Variants in NAALADL2 observed in about 807,000 individuals in gnomAD.
NAALADL2 encodes the protein inactive N-acetylated-alpha-linked acidic dipeptidase-like protein 2.
In NAALADL2, 76 loss-of-function variants were observed where a neutral mutation model predicts 87.2. The ratio of observed to expected loss-of-function variants is 0.87; its 90% confidence interval spans 0.72 to 1.05. The LOEUF (loss-of-function observed/expected upper bound fraction) is 1.05. Ranked by LOEUF, NAALADL2 falls within the 50% of genes least tolerant of loss-of-function variation. NAALADL2 has a pLI of 0.00. For synonymous variants in NAALADL2, 354 were observed against 331.0 expected, an observed-to-expected ratio of 1.07 and a Z score of -0.75; for missense variants, 1,089 against 945.8, an observed-to-expected ratio of 1.15 and a Z score of -1.99.
At chr3:174,755,526 T>G (rs1711928593) in intron 3 of NAALADL2, among the ~76,000 whole-genome samples, 1 of 152,186 alleles carries the variant, frequency 6.6e-6, no homozygotes, top group Admixed American at 6.5e-5. Flanking sequence ...ATAAAAAATT[T>G]CGAGCCACCT....
intron 3 of NAALADL2, among the ~76,000 whole-genome samples, chr3:174,847,483 T>A (rs1724759976): frequency 6.6e-6 from 1 of 152,216 alleles, no homozygotes; most frequent in East Asian, 1.9e-4. Context: ...AAAAATAGGC[T>A]AAACTCAGAA....
intron 2 of NAALADL2, among the ~76,000 whole-genome samples, chr3:174,644,273 C>A (rs1723554198): frequency 6.6e-6 from 1 of 152,156 alleles, no homozygotes; most frequent in African/African-American, 2.4e-5. Context: ...TATAAACAGT[C>A]AATTAATACC....
intron 1 of NAALADL2, among the ~76,000 whole-genome samples, chr3:174,964,218 C>T (rs993647672): frequency 4.6e-5 from 7 of 152,024 alleles, no homozygotes; most frequent in Non-Finnish European, 5.9e-5. Flanking sequence ...CTTTACCTAG[C>T]GCTGGTATGG....
At chr3:174,718,868 C>T (rs1013377319) in intron 2 of NAALADL2, among the ~76,000 whole-genome samples, 1 of 152,130 alleles carries the variant, frequency 6.6e-6, no homozygotes, top group East Asian at 1.9e-4. Context: ...GATTATAATA[C>T]TTGGATCCAG....
intron 10 of NAALADL2, among the ~76,000 whole-genome samples, chr3:175,624,703 C>A (rs1327079259): frequency 6.6e-6 from 1 of 151,926 alleles, no homozygotes; most frequent in Non-Finnish European, 1.5e-5. Context: ...CAAAAGATAT[C>A]AGAGATTAGC....
intron 2 of NAALADL2, among the ~76,000 whole-genome samples, chr3:175,167,289 C>T (rs1431507624): frequency 6.6e-6 from 1 of 152,064 alleles, no homozygotes; most frequent in Non-Finnish European, 1.5e-5. Flanking sequence ...TAAACTCCTG[C>T]CATGCTACAG....
chr3:175,084,574 A>G (rs552906613), intron 1 of NAALADL2, among the ~76,000 whole-genome samples: 28 of 152,316 alleles, frequency 1.8e-4, no homozygotes, highest in African/African-American at 6.7e-4. Context: ...CTCACTATCA[A>G]TCTGCTTAAG....
intron 1 of NAALADL2, among the ~76,000 whole-genome samples, chr3:174,524,809 G>A (rs1000826168): frequency 1.3e-5 from 2 of 151,972 alleles, no homozygotes; most frequent in Admixed American, 6.6e-5. Flanking sequence ...CAAAGTCCTG[G>A]GATTACAAGT....
At chr3:175,152,943 T>C (rs973385460) in intron 2 of NAALADL2, among the ~76,000 whole-genome samples, 7 of 151,960 alleles carry the variant, frequency 4.6e-5, no homozygotes, top group African/African-American at 1.2e-4. Flanking sequence ...TATCTAAATA[T>C]GTTCCCAATA....
chr3:175,735,840 T>C (rs1186209633), intron 11 of NAALADL2, among the ~76,000 whole-genome samples: 1 of 152,202 alleles, frequency 6.6e-6, no homozygotes, highest in Non-Finnish European at 1.5e-5. Flanking sequence ...GTTGAATATA[T>C]ATATTTGGAT....
chr3:175,106,617 GA>G (rs1159704286), intron 2 of NAALADL2, among the ~76,000 whole-genome samples: 9 of 152,068 alleles, frequency 5.9e-5, no homozygotes, highest in African/African-American at 2.2e-4. Context: ...TCATGCTATA[GA>G]AAAGTTGGTA....
chr3:174,935,766 A>C (rs1412356400), intron 1 of NAALADL2, among the ~76,000 whole-genome samples: 2 of 152,126 alleles, frequency 1.3e-5, no homozygotes, highest in African/African-American at 2.4e-5. Flanking sequence ...TTGCAATAAA[A>C]GTTAGGAGAT....
chr3:175,400,082 C>T (rs1394401039), intron 5 of NAALADL2, among the ~76,000 whole-genome samples: 1 of 151,874 alleles, frequency 6.6e-6, no homozygotes, highest in African/African-American at 2.4e-5. Context: ...GAAATATACC[C>T]TCATTCTCTA....
chr3:175,404,397 T>G (rs1167061125), intron 5 of NAALADL2, among the ~76,000 whole-genome samples: 1 of 152,126 alleles, frequency 6.6e-6, no homozygotes, highest in East Asian at 1.9e-4. Context: ...AATCACCAAA[T>G]AACTGTTACC....
intron 13 of NAALADL2, among the ~76,000 whole-genome samples, chr3:175,758,886 C>G (rs1293055032): frequency 6.6e-6 from 1 of 151,558 alleles, no homozygotes; most frequent in Middle Eastern, 3.2e-3. Flanking sequence ...ATCTAATACA[C>G]AAGAAAGAAG....
chr3:175,173,001 T>C (rs1166200126), intron 2 of NAALADL2, among the ~76,000 whole-genome samples: 1 of 152,056 alleles, frequency 6.6e-6, no homozygotes, highest in Non-Finnish European at 1.5e-5. Context: ...TTAAAAATAT[T>C]GCAATGAAGC....
At chr3:175,209,391 A>G (rs1741432814) in intron 2 of NAALADL2, among the ~76,000 whole-genome samples, 1 of 152,096 alleles carries the variant, frequency 6.6e-6, no homozygotes, top group South Asian at 2.1e-4. Context: ...GAGCAGAAGC[A>G]TAACTAGTAC....
At chr3:175,134,591 A>G (rs1205939286) in intron 2 of NAALADL2, among the ~76,000 whole-genome samples, 4 of 152,218 alleles carry the variant, frequency 2.6e-5, no homozygotes, top group African/African-American at 9.6e-5. Flanking sequence ...GCATGAAAAG[A>G]CAGGCTGAGT....
At chr3:174,965,215 T>C (rs555153672) in intron 1 of NAALADL2, among the ~76,000 whole-genome samples, 1 of 152,244 alleles carries the variant, frequency 6.6e-6, no homozygotes, top group Admixed American at 6.5e-5. Flanking sequence ...TCACTGGCCA[T>C]TGGCGGGAGG....
Sources: gnomAD v4.1 joint callset for allele counts (sites outside exome capture counted in the v4.1 genomes callset) on GRCh38, gnomAD v4.1.1 for gene constraint, MANE v1.5 for transcripts, NCBI Gene and HGNC (gene_info 2026-07-23, HGNC 2026-07-21) for gene names.